Variants in RIMS1 observed in about 807,000 individuals in gnomAD.
RIMS1 encodes the protein regulating synaptic membrane exocytosis 1, also known as regulating synaptic membrane exocytosis protein 1.
RIMS1 carries 83 observed loss-of-function variants against 214.1 expected under a neutral mutation model. The observed-to-expected ratio is 0.39, with a 90% CI of 0.32 to 0.47. The LOEUF (loss-of-function observed/expected upper bound fraction) is 0.47. Among genes scored for constraint, RIMS1 ranks in the 20% least tolerant of loss-of-function variants. RIMS1 has a pLI of 0.99. For synonymous variants in RIMS1, 793 were observed against 786.8 expected (o/e 1.01, Z -0.13); for missense variants, 2,050 against 2,161.8 (o/e 0.95, Z 1.03).
chr6:72,307,481 G>A (rs930573791), intron 27 of RIMS1, 111 bp downstream of exon 27: 110 of 664,174 alleles, frequency 1.7e-4, no homozygotes, highest in Non-Finnish European at 5.9e-5. Context: ...CATTTGGGCC[G>A]GGCATGGTAG....
At chr6:72,346,025 T>C (rs2097254841) in intron 29 of RIMS1, among the ~76,000 whole-genome samples, 1 of 151,772 alleles carries the variant, frequency 6.6e-6, no homozygotes, top group African/African-American at 2.4e-5. Context: ...AAAGAGGATC[T>C]AGAAGAGGCT....
chr6:72,133,823 C>A (rs1024704194), intron 4 of RIMS1, among the ~76,000 whole-genome samples: 2 of 152,092 alleles, frequency 1.3e-5, no homozygotes, highest in Admixed American at 6.6e-5. Context: ...AATCCAAAAT[C>A]TTTCCTTTGT....
intron 29 of RIMS1, chr6:72,366,827 C>T (rs1380911623): frequency 2.0e-6 from 2 of 985,292 alleles, no homozygotes; most frequent in Non-Finnish European, 2.4e-6. Context: ...CCCCAGAGAA[C>T]AATTTAATGC....
At chr6:72,292,426 A>C (rs1293459703) in intron 26 of RIMS1, among the ~76,000 whole-genome samples, 2 of 152,206 alleles carry the variant, frequency 1.3e-5, no homozygotes, top group African/African-American at 4.8e-5. Context: ...ACACTTAATC[A>C]TACTGAATCC....
chr6:72,093,229 A>ATATATATATATATATATATATAT (rs1562294511), intron 2 of RIMS1, among the ~76,000 whole-genome samples: 15 of 82,664 alleles, frequency 1.8e-4, no homozygotes, highest in Middle Eastern at 7.1e-3. Context: ...TATATATATA[A>ATATATATATATATATATATATAT]AAACATGTGT....
At chr6:72,037,293 G>A (rs1562172749) in intron 2 of RIMS1, among the ~76,000 whole-genome samples, 1 of 151,808 alleles carries the variant, frequency 6.6e-6, no homozygotes, top group Non-Finnish European at 1.5e-5. Flanking sequence ...GGCGTGTATA[G>A]GCAGGCATTA....
At chr6:72,260,392 G>A (rs563399738) in intron 18 of RIMS1, among the ~76,000 whole-genome samples, 27 of 151,936 alleles carry the variant, frequency 1.8e-4, no homozygotes, top group Admixed American at 4.6e-4. Flanking sequence ...ATACTCAGTT[G>A]TCTATAATTG....
intron 19 of RIMS1, chr6:72,262,136 C>T: frequency 1.0e-6 from 1 of 983,110 alleles, no homozygotes; most frequent in Non-Finnish European, 1.2e-6. Flanking sequence ...GTGAATATTT[C>T]TAGGATACTC....
chr6:72,101,491 G>A (rs1339248457), intron 4 of RIMS1, among the ~76,000 whole-genome samples: 1 of 152,020 alleles, frequency 6.6e-6, no homozygotes, highest in Non-Finnish European at 1.5e-5. Context: ...GAGAATAACT[G>A]ACTATTAAAT....
intron 9 of RIMS1, 127 bp from the exon 10 acceptor site, chr6:72,242,187 T>G: frequency 1.4e-6 from 1 of 721,214 alleles, no homozygotes; most frequent in Non-Finnish European, 2.2e-6. Flanking sequence ...AATTTGCTTT[T>G]GAAAGCAGAG....
chr6:72,108,256 G>T (rs2035194032), intron 4 of RIMS1, among the ~76,000 whole-genome samples: 2 of 124,312 alleles, frequency 1.6e-5, no homozygotes, highest in Admixed American at 8.4e-5. Flanking sequence ...GGATAATTTT[G>T]TGTGTGTGTG....
At chr6:71,929,085 C>T (rs1207313147) in intron 1 of RIMS1, among the ~76,000 whole-genome samples, 3 of 152,084 alleles carry the variant, frequency 2.0e-5, no homozygotes, top group African/African-American at 7.2e-5. Flanking sequence ...CAGCATCTTG[C>T]ACCTCTCCTT....
chr6:71,951,701 G>A (rs2151135972), intron 1 of RIMS1, among the ~76,000 whole-genome samples: 2 of 146,810 alleles, frequency 1.4e-5, no homozygotes, highest in East Asian at 4.0e-4. Flanking sequence ...GTCTTTCTGT[G>A]TTGCCCAAGC....
At chr6:72,179,483 C>T (rs1046195897) in intron 4 of RIMS1, 92 bp from the exon 5 acceptor site, 9 of 1,062,012 alleles carry the variant, frequency 8.5e-6, no homozygotes, top group Non-Finnish European at 1.1e-5. Flanking sequence ...AAAATGAATA[C>T]TGTTCTTTTT....
chr6:72,003,614 G>T (rs1300350234), intron 2 of RIMS1, among the ~76,000 whole-genome samples: 1 of 152,006 alleles, frequency 6.6e-6, no homozygotes, highest in Admixed American at 6.6e-5. Context: ...GTGTGTCTGT[G>T]TGTGTGTGTG....
chr6:72,219,227 C>A (rs2807528), intron 6 of RIMS1, among the ~76,000 whole-genome samples: 106,930 of 152,058 alleles, frequency 0.7, 38,448 homozygotes, highest in East Asian at 0.98. Flanking sequence ...AAAGAAGATA[C>A]ATTAATGAAG....
At chr6:72,372,709 A>C (rs1461303655) in intron 29 of RIMS1, among the ~76,000 whole-genome samples, 1 of 152,226 alleles carries the variant, frequency 6.6e-6, no homozygotes, top group Non-Finnish European at 1.5e-5. Flanking sequence ...AAGAACTAAA[A>C]GTGGTTTCTC....
At chr6:72,090,371 C>G (rs1406072464) in intron 2 of RIMS1, among the ~76,000 whole-genome samples, 1 of 152,024 alleles carries the variant, frequency 6.6e-6, no homozygotes, top group Non-Finnish European at 1.5e-5. Context: ...AGAGATCAAT[C>G]CAAGACCCCA....
At chr6:72,171,393 T>TAC (rs775678117) in intron 4 of RIMS1, among the ~76,000 whole-genome samples, 11 of 150,298 alleles carry the variant, frequency 7.3e-5, no homozygotes, top group East Asian at 1.9e-4. Context: ...TATGCACACA[T>TAC]ACACACACAC....
Sources: allele counts gnomAD v4.1 joint callset (sites outside exome capture counted in the v4.1 genomes callset), GRCh38; gene constraint gnomAD v4.1.1; transcripts MANE v1.5; gene names NCBI Gene and HGNC (gene_info 2026-07-23, HGNC 2026-07-21).